Variants in RBFOX1 observed in about 807,000 individuals in gnomAD.
The protein encoded by RBFOX1 is RNA binding protein fox-1 homolog 1.
In RBFOX1, 8 loss-of-function variants were observed where a neutral mutation model predicts 57.7. The observed-to-expected ratio is 0.14, with a 90% CI of 0.08 to 0.25. The LOEUF (loss-of-function observed/expected upper bound fraction) is 0.25, where lower values mean the gene tolerates loss of function less well. Among genes scored for constraint, RBFOX1 ranks in the 10% least tolerant of loss-of-function variants. The pLI is 1.00. For synonymous variants in RBFOX1, 326 were observed against 222.4 expected (o/e 1.47, Z -4.15); for missense variants, 611 against 548.5 (o/e 1.11, Z -1.14).
At chr16:5,551,103 T>G (rs78038475) in intron 2 of RBFOX1, among the ~76,000 whole-genome samples, 7,286 of 152,290 alleles carry the variant, frequency 0.048, 193 homozygotes, top group East Asian at 0.1. Context: ...AGGTTTCTCC[T>G]GCCACTCTTG....
intron 10 of RBFOX1, among the ~76,000 whole-genome samples, chr16:7,629,315 C>G (rs1216759295): frequency 6.6e-6 from 1 of 152,154 alleles, no homozygotes. Flanking sequence ...GAAGTTTTAA[C>G]TACATTTTTG....
chr16:5,783,489 A>G (rs569942862), intron 3 of RBFOX1, among the ~76,000 whole-genome samples: 2 of 152,300 alleles, frequency 1.3e-5, no homozygotes, highest in East Asian at 3.9e-4. Flanking sequence ...ATAATATAGG[A>G]AAAGTGGATA....
intron 3 of RBFOX1, among the ~76,000 whole-genome samples, chr16:5,629,117 G>A (rs1448848243): frequency 6.6e-6 from 1 of 151,922 alleles, no homozygotes; most frequent in Non-Finnish European, 1.5e-5. Context: ...AAAAGAAGAA[G>A]CTATTTTACT....
At chr16:6,119,379 G>A (rs185928974) in intron 1 of RBFOX1, among the ~76,000 whole-genome samples, 172 of 152,252 alleles carry the variant, frequency 1.1e-3, no homozygotes, top group East Asian at 3.7e-3. Flanking sequence ...GAGGGTCAAC[G>A]ATGTCTTTAT....
chr16:6,483,727 A>G (rs2095413823), intron 2 of RBFOX1: 1 of 1,423,918 alleles, frequency 7.0e-7, no homozygotes, highest in South Asian at 1.5e-5. Context: ...GCAAATTGAC[A>G]TTTTTGGCTG....
chr16:7,257,356 T>A (rs1364852609), intron 4 of RBFOX1, among the ~76,000 whole-genome samples: 1 of 152,158 alleles, frequency 6.6e-6, no homozygotes, highest in African/African-American at 2.4e-5. Flanking sequence ...TAAAATTACA[T>A]GCAACCTCAT....
intron 4 of RBFOX1, among the ~76,000 whole-genome samples, chr16:7,446,703 C>G (rs1437688945): frequency 6.6e-6 from 1 of 151,658 alleles, no homozygotes; most frequent in Non-Finnish European, 1.5e-5. Context: ...GAGCAAACAC[C>G]AGAAACCCCA....
chr16:5,709,809 T>C (rs573912503), intron 3 of RBFOX1, among the ~76,000 whole-genome samples: 2 of 14,446 alleles, frequency 1.4e-4, no homozygotes, highest in South Asian at 3.2e-3. Flanking sequence ...ATCAGTTTCT[T>C]TATATATATA....
intron 5 of RBFOX1, among the ~76,000 whole-genome samples, chr16:7,531,790 A>C (rs139432682): frequency 3.8e-4 from 58 of 152,184 alleles, no homozygotes; most frequent in Non-Finnish European, 7.6e-4. Flanking sequence ...AACTATTTCA[A>C]TTATGATAAT....
At chr16:5,900,514 C>T (rs1050957835) in intron 4 of RBFOX1, among the ~76,000 whole-genome samples, 2 of 152,124 alleles carry the variant, frequency 1.3e-5, no homozygotes. Context: ...CCTTTTGCCC[C>T]AGAGTAGAAA....
intron 3 of RBFOX1, among the ~76,000 whole-genome samples, chr16:6,717,876 G>A (rs920029832): frequency 3.3e-5 from 5 of 151,704 alleles, no homozygotes; most frequent in African/African-American, 1.2e-4. Flanking sequence ...GAGCAGATCT[G>A]GATATGTGTC....
intron 3 of RBFOX1, among the ~76,000 whole-genome samples, chr16:6,846,601 C>G (rs766045940): frequency 1.3e-5 from 2 of 152,248 alleles, no homozygotes; most frequent in Admixed American, 6.5e-5. Flanking sequence ...TGGAAACGCA[C>G]GAAGACCTTT....
intron 4 of RBFOX1, among the ~76,000 whole-genome samples, chr16:7,497,917 G>C (rs542252650): frequency 6.6e-6 from 1 of 152,178 alleles, no homozygotes; most frequent in Non-Finnish European, 1.5e-5. Flanking sequence ...TTTCATCTTT[G>C]CAGAAAGCTG....
intron 4 of RBFOX1, among the ~76,000 whole-genome samples, chr16:7,088,190 T>C (rs568778530): frequency 7.9e-5 from 12 of 152,270 alleles, no homozygotes; most frequent in African/African-American, 2.6e-4. Context: ...ACATTGATGG[T>C]GGTGAATTCA....
At chr16:6,588,521 TGCACACCCGTAACTCA>T (rs906690504) in intron 2 of RBFOX1, among the ~76,000 whole-genome samples, 3 of 151,474 alleles carry the variant, frequency 2.0e-5, no homozygotes, top group Non-Finnish European at 1.5e-5. Context: ...GGTGTGGTGG[TGCACACCCGTAACTCA>T]GCTACTCTGG....
chr16:6,357,148 A>G (rs1033706965), intron 2 of RBFOX1, among the ~76,000 whole-genome samples: 16 of 151,980 alleles, frequency 1.1e-4, no homozygotes, highest in African/African-American at 1.4e-4. Flanking sequence ...TTTGCTTCCA[A>G]TGGCACTCAG....
At chr16:6,241,738 T>A (rs2097541133) in intron 1 of RBFOX1, among the ~76,000 whole-genome samples, 1 of 152,182 alleles carries the variant, frequency 6.6e-6, no homozygotes, top group African/African-American at 2.4e-5. Flanking sequence ...AGCTGAGCAT[T>A]TCAGGCACTT....
intron 2 of RBFOX1, among the ~76,000 whole-genome samples, chr16:6,509,456 C>T (rs1011715590): frequency 2.6e-5 from 4 of 152,118 alleles, no homozygotes; most frequent in African/African-American, 9.7e-5. Flanking sequence ...TTTGCATGTT[C>T]TTGCTTATTT....
At position 5,840,668 on chromosome 16, in the gene RBFOX1, A is replaced by C. The variant is rs188161878; in HGVS notation, c.319-26635A>C. ...AAGGGGAGGATTAGGGTTACTTAGA[A>C]GTGAGGCCGTGGGTCACCACTGCTT... On this transcript the variant is annotated intron_variant, in intron 3 of 19. Transcript: ENST00000641259. 1.1e-3 allele frequency among the ~76,000 whole-genome samples: 173 copies of C among 152,310 alleles called. 1 individual carries two copies. Among genetic ancestry groups the C allele is most frequent in the Non-Finnish European group, 1.5e-3 (101 of 68,030 alleles).
Sources: gnomAD v4.1 joint callset for allele counts (sites outside exome capture counted in the v4.1 genomes callset) on GRCh38, gnomAD v4.1.1 for gene constraint, MANE v1.5 for transcripts, NCBI Gene and HGNC (gene_info 2026-07-23, HGNC 2026-07-21) for gene names.